Variants in DCX observed in about 807,000 individuals in gnomAD.
DCX encodes neuronal migration protein doublecortin.
DCX carries 4 observed loss-of-function variants against 20.9 expected under a neutral mutation model. The observed-to-expected ratio is 0.19, with a 90% CI of 0.09 to 0.44. The LOEUF is 0.44. Ranked by LOEUF, DCX falls within the 20% of genes least tolerant of loss-of-function variation. The probability of loss-of-function intolerance (pLI) is 0.99; values close to 1 mark genes in which losing one functional copy is unlikely to be tolerated. For missense variants in DCX, 133 were observed against 296.9 expected (o/e 0.45, Z 4.06); for synonymous variants, 103 against 111.4 (o/e 0.92, Z 0.47).
In DCX at chrX:111,300,526, T is replaced by C. The variant is rs758340223; in HGVS notation, c.*1161A>G. 6.8e-4 allele frequency: 77 copies of C among 112,451 alleles called. No homozygotes were observed. The highest frequency in any genetic ancestry group is 2.3e-3 in the African/African-American group (72 of 30,924). The allele number at this position is 112,451 out of a possible 1,213,427, so 9.3% of individuals were successfully genotyped here. A position where few individuals can be genotyped will look rare whatever the true frequency, so the allele number is the denominator to read the frequency against. On this transcript the variant is annotated 3_prime_UTR_variant, in exon 7 of 7. Transcript: ENST00000636035. The stretch of plus-strand genomic sequence containing the variant: ...AAAAGCTATCAAAAAACTGATTCTA[T>C]TGAATTGGCCTCTGCTATTCATCTT...
intron 3 of DCX, among the ~76,000 whole-genome samples, chrX:111,339,152 G>A (rs1382784490): frequency 1.8e-5 from 2 of 111,756 alleles, no homozygotes; most frequent in African/African-American, 6.5e-5. Context: ...CAGTGCTCAG[G>A]TCTTACATCT....
At chrX:111,307,008 G>C (rs1417622324) in intron 6 of DCX, among the ~76,000 whole-genome samples, 1 of 110,658 alleles carries the variant, frequency 9.0e-6, no homozygotes, top group Non-Finnish European at 1.9e-5. Flanking sequence ...GGATGAAAAG[G>C]GAAGGGGCTG....
chrX:111,331,910 A>C (rs1183923402), intron 4 of DCX, among the ~76,000 whole-genome samples: 1 of 112,681 alleles, frequency 8.9e-6, no homozygotes, highest in African/African-American at 3.2e-5. Context: ...ACAAGGTCTA[A>C]AAGTCAAGTC....
chrX:111,392,702 G>A (rs1432624334), intron 3 of DCX, among the ~76,000 whole-genome samples: 4 of 111,817 alleles, frequency 3.6e-5, no homozygotes, highest in African/African-American at 1.3e-4. Flanking sequence ...ATTGACTTTG[G>A]TGATGGTCAC....
intron 3 of DCX, among the ~76,000 whole-genome samples, chrX:111,385,699 A>G (rs778978762): frequency 4.8e-5 from 3 of 62,746 alleles, no homozygotes; most frequent in Non-Finnish European, 7.1e-5. Context: ...GAAAGCAAGA[A>G]AGCAAGAAAG....
At position 111,301,415 on chromosome X, in the gene DCX, TCATGGA is replaced by T. The variant is rs1166663503; in HGVS notation, c.*266_*271del. 16 of 402,903 alleles carry T rather than the reference TCATGGA, an allele frequency of 4.0e-5. No individual in the cohort carries two copies. In the East Asian group the frequency reaches 6.8e-4, roughly 17 times the overall value. The allele number at this position is 402,903 out of a possible 1,213,427, so 33.2% of individuals were successfully genotyped here. A position where few individuals can be genotyped will look rare whatever the true frequency, so the allele number is the denominator to read the frequency against. Reference sequence around the variant, plus strand: ...GGCACCTAAGCTTTCCATTGAAAGGTCATGGACTAGCACATTTTGCATCCCTGGAAT... The same window carrying T: ...GGCACCTAAGCTTTCCATTGAAAGGTCTAGCACATTTTGCATCCCTGGAAT... On this transcript the variant is annotated 3_prime_UTR_variant, in exon 7 of 7. Transcript: ENST00000636035.
intron 5 of DCX, among the ~76,000 whole-genome samples, chrX:111,328,733 G>A (rs2095105470): frequency 9.0e-6 from 1 of 111,284 alleles, no homozygotes; most frequent in Non-Finnish European, 1.9e-5. Context: ...AATACATCTT[G>A]TTCTTTATTC....
intron 3 of DCX, among the ~76,000 whole-genome samples, chrX:111,370,311 A>C (rs1175162455): frequency 1.8e-5 from 2 of 111,669 alleles, no homozygotes; most frequent in Non-Finnish European, 3.8e-5. Context: ...ATAAAGAGGG[A>C]AATTATAGGT....
intron 3 of DCX, among the ~76,000 whole-genome samples, chrX:111,391,001 TAAAAA>T (rs56173739): frequency 1.2e-5 from 1 of 82,256 alleles, no homozygotes; most frequent in Non-Finnish European, 2.3e-5. Context: ...GATATCCTGC[TAAAAA>T]AAAAAAAAAA....
rs748113029 is a variant in DCX, at chrX:111,299,679, G to A, written c.*2008C>T. 9.0e-6 allele frequency: 1 copy of A among 111,603 alleles called. No homozygotes were observed. Among genetic ancestry groups the A allele is most frequent in the East Asian group, 2.8e-4 (1 of 3,556 alleles). 9.2% of individuals were successfully genotyped at this position (111,603 alleles called of 1,213,427 possible). On this transcript the variant is annotated 3_prime_UTR_variant, in exon 7 of 7. Transcript: ENST00000636035. Reference sequence around the variant, plus strand: ...CCTGAGCTTCTAGAAAGAAATAGGGGCTTAGTAAAATGGGCTTATTAATGG... The same window carrying A: ...CCTGAGCTTCTAGAAAGAAATAGGGACTTAGTAAAATGGGCTTATTAATGG...
intron 3 of DCX, among the ~76,000 whole-genome samples, chrX:111,343,673 G>A (rs1922512011): frequency 8.9e-6 from 1 of 111,788 alleles, no homozygotes; most frequent in Non-Finnish European, 1.9e-5. Flanking sequence ...GAACATAGAT[G>A]CAAAAATTTT....
At chrX:111,310,363 A>G (rs754885546) in intron 6 of DCX, among the ~76,000 whole-genome samples, 31 of 111,193 alleles carry the variant, frequency 2.8e-4, no homozygotes, top group African/African-American at 1.0e-3. Flanking sequence ...AATAAAATAA[A>G]TAAAAGAAAA....
In DCX at chrX:111,293,858, G is replaced by C. The variant is rs773811899; in HGVS notation, c.*7829C>G. 1 of 113,253 alleles carries C rather than the reference G, an allele frequency of 8.8e-6. No homozygotes were observed. Among genetic ancestry groups the C allele is most frequent in the East Asian group, 2.8e-4 (1 of 3,600 alleles). 9.3% of individuals were successfully genotyped at this position (113,253 alleles called of 1,213,427 possible). ...TACACAGAAATGAGAATGCGATGAAGAACAGAGCTTGAGAGCCAAAATAAT... is the reference window on the plus strand; with the variant it reads ...TACACAGAAATGAGAATGCGATGAACAACAGAGCTTGAGAGCCAAAATAAT... On this transcript the variant is annotated 3_prime_UTR_variant, in exon 7 of 7. Coordinates refer to ENST00000636035, the MANE Select transcript of DCX (RefSeq NM_001195553.2).
At chrX:111,385,464 T>C (rs1166035261) in intron 3 of DCX, among the ~76,000 whole-genome samples, 2 of 109,986 alleles carry the variant, frequency 1.8e-5, no homozygotes, top group Non-Finnish European at 3.8e-5. Context: ...GAGACCAGCC[T>C]GGCCAGTATG....
chrX:111,388,614 G>C (rs1926704945), intron 3 of DCX, among the ~76,000 whole-genome samples: 1 of 112,177 alleles, frequency 8.9e-6, no homozygotes, highest in Non-Finnish European at 1.9e-5. Flanking sequence ...TTTTTTCCAA[G>C]AGGAGACTAT....
At chrX:111,329,122 T>A (rs917984939) in intron 5 of DCX, among the ~76,000 whole-genome samples, 8 of 112,185 alleles carry the variant, frequency 7.1e-5, no homozygotes, top group Non-Finnish European at 1.3e-4. Context: ...GTGTATTTTT[T>A]GCAATTCTCT....
chrX:111,333,082 A>G lies in DCX; in HGVS notation c.777T>C (p.Tyr259=), dbSNP rs747557639. ...CATCCAGAGAAAAATCATCCTGAGC[A>G]TAGCGAAATTTTTCAGGACCACAGG... is the stretch of plus-strand genomic sequence containing the variant. The part of the protein sequence containing the change: ...FIACGPEKFR[Y]AQDDFSLDEN... The change falls in exon 4 of 7, where the codon TAT becomes TAC. Residue 259 remains tyrosine (Y), a synonymous_variant. Coordinates refer to ENST00000636035, the MANE Select transcript of DCX (RefSeq NM_001195553.2). The G allele has an allele frequency of 2.5e-6, 3 of 1,210,703 alleles. No homozygotes were observed. The highest frequency in any genetic ancestry group is 4.3e-5 in the Admixed American group (2 of 46,088).
At chrX:111,343,739 T>C (rs1922518512) in intron 3 of DCX, among the ~76,000 whole-genome samples, 1 of 111,792 alleles carries the variant, frequency 8.9e-6, no homozygotes, top group African/African-American at 3.3e-5. Flanking sequence ...CCCAGCACTT[T>C]GGGAGGCTAA....
Position 111,336,173 on chromosome X carries a change from C to G in DCX, c.706-3020G>C, listed in dbSNP as rs1465360090. Among the ~76,000 whole-genome samples the G allele has an allele frequency of 3.6e-5, 4 of 111,869 alleles. No individual in the cohort carries two copies. The East Asian group carries it at 8.4e-4, about 24-fold the overall frequency. Reference sequence around the variant, plus strand: ...CCAAAGCAGCCATCTCAGACACATGCCATGATATCCTATTGTAGGACAATA... The same window carrying G: ...CCAAAGCAGCCATCTCAGACACATGGCATGATATCCTATTGTAGGACAATA... On this transcript the variant is annotated intron_variant, in intron 3 of 6. Coordinates refer to ENST00000636035, the MANE Select transcript of DCX (RefSeq NM_001195553.2).
Sources: allele counts gnomAD v4.1 joint callset (sites outside exome capture counted in the v4.1 genomes callset), GRCh38; gene constraint gnomAD v4.1.1; transcripts MANE v1.5; gene names NCBI Gene and HGNC (gene_info 2026-07-23, HGNC 2026-07-21).